Variants in MAD1L1 observed in about 807,000 individuals in gnomAD.
The protein encoded by MAD1L1 is mitotic arrest deficient 1 like 1.
Under a neutral mutation model 96.9 loss-of-function variants are expected in MAD1L1, and 95 were observed. That is an observed-to-expected ratio of 0.98 (90% CI 0.83 to 1.16). MAD1L1 has a LOEUF of 1.16. Ranked by LOEUF, MAD1L1 falls within the 50% of genes most tolerant of loss-of-function variation. The pLI, the probability that MAD1L1 is intolerant of heterozygous loss-of-function variation, is 0.00. For synonymous variants in MAD1L1, 473 were observed against 396.6 expected (o/e 1.19, Z -2.29); for missense variants, 1,007 against 954.4 (o/e 1.06, Z -0.73).
intron 12 of MAD1L1, among the ~76,000 whole-genome samples, chr7:2,060,862 A>G (rs985200123): frequency 1.3e-5 from 2 of 152,268 alleles, no homozygotes; most frequent in African/African-American, 4.8e-5. Context: ...CTGTTTAATC[A>G]TGACTCAAAA....
At chr7:1,853,703 A>T (rs60719967) in intron 18 of MAD1L1, among the ~76,000 whole-genome samples, 7,821 of 152,068 alleles carry the variant, frequency 0.051, 462 homozygotes, top group African/African-American at 0.14. Flanking sequence ...GCTCAGAAGG[A>T]CACTGCCTCC....
chr7:2,213,996 G>C (rs1022888376), intron 9 of MAD1L1, among the ~76,000 whole-genome samples: 1 of 152,386 alleles, frequency 6.6e-6, no homozygotes, highest in East Asian at 1.9e-4. Context: ...AAGTCAGTGA[G>C]GTATTCTCAC....
At chr7:1,850,041 G>C (rs1325694607) in intron 18 of MAD1L1, 1 of 152,232 alleles carries the variant, frequency 6.6e-6, no homozygotes, top group African/African-American at 2.4e-5. Flanking sequence ...TTCCAGTGGA[G>C]TGAGTGACCT....
At chr7:2,151,550 T>C (rs1332140095) in intron 10 of MAD1L1, among the ~76,000 whole-genome samples, 2 of 152,260 alleles carry the variant, frequency 1.3e-5, no homozygotes, top group Non-Finnish European at 2.9e-5. Flanking sequence ...GAAGCCTCCC[T>C]GCAGCCTGCA....
At chr7:1,990,210 A>T (rs1490888836) in intron 14 of MAD1L1, among the ~76,000 whole-genome samples, 2 of 152,164 alleles carry the variant, frequency 1.3e-5, no homozygotes, top group Non-Finnish European at 2.9e-5. Context: ...GCCTCACAGA[A>T]CCCTGGCTGC....
chr7:2,015,257 C>G (rs1030370333), intron 12 of MAD1L1, among the ~76,000 whole-genome samples: 9 of 152,216 alleles, frequency 5.9e-5, no homozygotes, highest in Non-Finnish European at 1.0e-4. Flanking sequence ...AAGGCTGAGT[C>G]CCCGCTTTTC....
At chr7:1,884,173 C>T (rs1241049713) in intron 18 of MAD1L1, among the ~76,000 whole-genome samples, 2 of 152,242 alleles carry the variant, frequency 1.3e-5, no homozygotes, top group Non-Finnish European at 2.9e-5. Flanking sequence ...CCAGGAGGGA[C>T]GCAGCCGAGG....
At chr7:2,166,652 G>C (rs1435545967) in intron 10 of MAD1L1, among the ~76,000 whole-genome samples, 1 of 152,252 alleles carries the variant, frequency 6.6e-6, no homozygotes, top group Non-Finnish European at 1.5e-5. Flanking sequence ...CAAGTGGAGA[G>C]CTTGGGATGC....
intron 11 of MAD1L1, among the ~76,000 whole-genome samples, chr7:2,102,768 C>T (rs73038458): frequency 0.027 from 4,105 of 152,098 alleles, 97 homozygotes; most frequent in South Asian, 0.09. Flanking sequence ...CCACGGTCAC[C>T]GCCACCCTCG....
intron 18 of MAD1L1, among the ~76,000 whole-genome samples, chr7:1,821,147 A>G (rs1478006453): frequency 2.0e-5 from 3 of 151,980 alleles, no homozygotes; most frequent in Admixed American, 1.3e-4. Context: ...AAATATTATA[A>G]TAGATCCAGA....
intron 12 of MAD1L1, among the ~76,000 whole-genome samples, chr7:2,044,064 A>G (rs1383027945): frequency 6.6e-6 from 1 of 152,240 alleles, no homozygotes; most frequent in Non-Finnish European, 1.5e-5. Flanking sequence ...GGGAGACAGC[A>G]GCATGGGAGG....
At chr7:1,853,573 C>A (rs955447949) in intron 18 of MAD1L1, among the ~76,000 whole-genome samples, 1 of 152,156 alleles carries the variant, frequency 6.6e-6, no homozygotes. Flanking sequence ...CCCGCTCCAG[C>A]CCCCACCCTG....
intron 10 of MAD1L1, among the ~76,000 whole-genome samples, chr7:2,212,725 G>A (rs752919244): frequency 6.6e-5 from 10 of 152,170 alleles, no homozygotes; most frequent in South Asian, 2.1e-4. Context: ...CTGCAGAAGC[G>A]TGAGCCAATT....
At chr7:2,128,719 G>A (rs1788358482) in intron 11 of MAD1L1, among the ~76,000 whole-genome samples, 1 of 152,184 alleles carries the variant, frequency 6.6e-6, no homozygotes, top group East Asian at 1.9e-4. Flanking sequence ...GGCTGAAACC[G>A]GCTCCCTCTG....
At chr7:1,911,623 CGG>C (rs1788022309) in intron 17 of MAD1L1, among the ~76,000 whole-genome samples, 3 of 152,326 alleles carry the variant, frequency 2.0e-5, no homozygotes, top group East Asian at 1.9e-4. Context: ...GGCCAGACTC[CGG>C]CGTCACCTCC....
intron 12 of MAD1L1, among the ~76,000 whole-genome samples, chr7:2,061,761 G>A (rs1284980309): frequency 6.6e-6 from 1 of 152,278 alleles, no homozygotes. Context: ...ACCATCCGAT[G>A]TCGGGTACAG....
rs148328069 is a variant in MAD1L1 at position 1,876,686 on chromosome 7, A to G, written c.1998+21514T>C. ...AAACACAAACAGAAACCAAACCAAA[A>G]GCTAAAAGATGACAACTCATCCTAA... is the stretch of plus-strand genomic sequence containing the variant. On this transcript the variant is annotated intron_variant, in intron 18 of 18. Transcript: ENST00000265854. 4.6e-3 allele frequency among the ~76,000 whole-genome samples: 696 copies of G among 151,100 alleles called. 6 individuals are homozygous for G. Among genetic ancestry groups the G allele is most frequent in the African/African-American group, 0.016 (663 of 41,178 alleles).
At chr7:1,914,032 A>G (rs911795715) in intron 17 of MAD1L1, among the ~76,000 whole-genome samples, 5 of 151,952 alleles carry the variant, frequency 3.3e-5, no homozygotes, top group Non-Finnish European at 5.9e-5. Context: ...CCCCCCCAGC[A>G]CGCCTGTCCA....
At chr7:2,017,653 G>A (rs148959374) in intron 12 of MAD1L1, among the ~76,000 whole-genome samples, 10 of 152,306 alleles carry the variant, frequency 6.6e-5, no homozygotes, top group East Asian at 3.9e-4. Flanking sequence ...TTGAGTAGGC[G>A]CCCAGAGGAC....
Sources: allele counts gnomAD v4.1 joint callset (sites outside exome capture counted in the v4.1 genomes callset), GRCh38; gene constraint gnomAD v4.1.1; transcripts MANE v1.5; gene names NCBI Gene and HGNC (gene_info 2026-07-23, HGNC 2026-07-21).